Variants in CHRNA3 observed in about 807,000 individuals in gnomAD.
CHRNA3 encodes neuronal acetylcholine receptor subunit alpha-3.
In CHRNA3, 34 loss-of-function variants were observed where a neutral mutation model predicts 41.9. The ratio of observed to expected loss-of-function variants is 0.81; its 90% CI spans 0.62 to 1.08. The LOEUF is 1.08. CHRNA3 is among the 50% of genes least tolerant of loss of function. The pLI, the probability that CHRNA3 is intolerant of heterozygous loss-of-function variation, is 0.00. For synonymous variants in CHRNA3, 281 were observed against 265.2 expected, an observed-to-expected ratio of 1.06 and a Z score of -0.58; for missense variants, 542 against 638.3, an observed-to-expected ratio of 0.85 and a Z score of 1.63.
At chr15:78,601,156 ATTTC>A (rs900387977) in intron 5 of CHRNA3, 93 bp downstream of exon 5, 2 of 1,299,964 alleles carry the variant, frequency 1.5e-6, no homozygotes, top group African/African-American at 1.5e-5. Flanking sequence ...CCAGAGGGCA[ATTTC>A]TTAACCCCCT....
chr15:78,603,234 C>T (rs571492724), intron 4 of CHRNA3, among the ~76,000 whole-genome samples: 55 of 152,280 alleles, frequency 3.6e-4, no homozygotes, highest in Non-Finnish European at 7.2e-4. Context: ...GGGCTGGTCT[C>T]GAACTCCTGA....
At chr15:78,603,756 A>G (rs114669657) in intron 4 of CHRNA3, among the ~76,000 whole-genome samples, 2,399 of 152,132 alleles carry the variant, frequency 0.016, 56 homozygotes, top group African/African-American at 0.054. Context: ...GCCACTAACT[A>G]TCTTTCCTCT....
chr15:78,593,329 T>C (rs1405614110), downstream of CHRNA3: 11 of 1,390,924 alleles, frequency 7.9e-6, no homozygotes, highest in Admixed American at 3.1e-4. Context: ...TATGAAAATG[T>C]AAGTTATGTG....
In CHRNA3 at chr15:78,620,529, G is replaced by T. The variant is rs567448791; in HGVS notation, c.82+184C>A. On this transcript the variant is annotated intron_variant, in intron 1 of 5. Transcript: ENST00000326828. ...GCTAGGGGTGGGAGGTGAGCCGAAAGGGAAAAAGCCACCCCACCCAAGTCG... is the reference window on the plus strand; with the variant it reads ...GCTAGGGGTGGGAGGTGAGCCGAAATGGAAAAAGCCACCCCACCCAAGTCG... Among the ~76,000 whole-genome samples, 9 of 152,346 alleles carry T rather than the reference G, an allele frequency of 5.9e-5. No homozygotes were observed. In the South Asian group the frequency reaches 1.9e-3, roughly 32 times the overall value.
At chr15:78,610,117 CAAT>C (rs1427238533) in intron 4 of CHRNA3, among the ~76,000 whole-genome samples, 1 of 152,156 alleles carries the variant, frequency 6.6e-6, no homozygotes, top group Non-Finnish European at 1.5e-5. Context: ...GACTCCCACA[CAAT>C]AATAATGGGA....
rs71581741 is a variant in CHRNA3 at position 78,617,016 on chromosome 15, C to G, written c.377+8G>C. 0.011 allele frequency: 16,863 copies of G among 1,604,428 alleles called. 790 individuals carry two copies. In the African/African-American group the frequency reaches 0.13, roughly 12 times the overall value. ...CCCTGAGAGGGCGTGGGCCCCCCAG[C>G]ACCTTACTTGTTATACAGCACAATG... On this transcript the variant is annotated splice_region_variant and intron_variant, in intron 4 of 5. Coordinates refer to ENST00000326828, the MANE Select transcript of CHRNA3 (RefSeq NM_000743.5).
At chr15:78,593,394 CAG>C (rs1221411867), downstream of CHRNA3, 3 of 742,396 alleles carry the variant, frequency 4.0e-6, no homozygotes, top group Non-Finnish European at 6.0e-6. Flanking sequence ...TTTATGTTAA[CAG>C]ATGATCCATT....
chr15:78,593,297 T>C (rs759148420), downstream of CHRNA3: 1 of 1,513,480 alleles, frequency 6.6e-7, no homozygotes, highest in African/African-American at 1.4e-5. Flanking sequence ...AACACACATA[T>C]ATCTGATGGC....
intron 5 of CHRNA3, among the ~76,000 whole-genome samples, chr15:78,599,398 CTACTT>C (rs1358770507): frequency 1.3e-5 from 2 of 152,078 alleles, no homozygotes; most frequent in Non-Finnish European, 2.9e-5. Context: ...CATGAGAAGA[CTACTT>C]TAAAGACCCA....
In CHRNA3 at chr15:78,618,676, T is replaced by C. The variant is rs1383841095; in HGVS notation, c.223-15A>G. On this transcript the variant is annotated splice_polypyrimidine_tract_variant and intron_variant, in intron 2 of 5. Transcript: ENST00000326828. Reference sequence around the variant, plus strand: ...TTTACTTCATCCTAGAAAGAGGAATTAAAGTTGACAGGAGAATTACAAAAC... The same window carrying C: ...TTTACTTCATCCTAGAAAGAGGAATCAAAGTTGACAGGAGAATTACAAAAC... 1 of 1,613,728 alleles carries C rather than the reference T, an allele frequency of 6.2e-7. No homozygotes were observed. The highest frequency in any genetic ancestry group is 8.5e-7 in the Non-Finnish European group (1 of 1,180,000).
At chr15:78,593,900 G>A (rs1484162243), downstream of CHRNA3, 1 of 152,142 alleles carries the variant, frequency 6.6e-6, no homozygotes, top group Non-Finnish European at 1.5e-5. Context: ...ATTAGCCAGG[G>A]TGGTGGTGCA....
chr15:78,600,239 T>C (rs1331593756), intron 5 of CHRNA3, among the ~76,000 whole-genome samples: 1 of 152,052 alleles, frequency 6.6e-6, no homozygotes, highest in Non-Finnish European at 1.5e-5. Flanking sequence ...CACGCCTGGC[T>C]AATTTTTGTA....
chr15:78,594,040 A>AAAT (rs904995032), downstream of CHRNA3: 1 of 152,178 alleles, frequency 6.6e-6, no homozygotes, highest in Admixed American at 6.5e-5. Flanking sequence ...ACTCAGTCTC[A>AAAT]AATAATAATA....
intron 4 of CHRNA3, among the ~76,000 whole-genome samples, chr15:78,613,609 T>C (rs1159419420): frequency 2.0e-5 from 3 of 148,986 alleles, no homozygotes; most frequent in Admixed American, 6.7e-5. Flanking sequence ...TTAGGAGATA[T>C]ACCTAATGCT....
chr15:78,604,374 T>G (rs928092362), intron 4 of CHRNA3, among the ~76,000 whole-genome samples: 4 of 152,158 alleles, frequency 2.6e-5, no homozygotes, highest in Admixed American at 1.3e-4. Context: ...TGCTCGAGAC[T>G]CCACAGAGTT....
intron 3 of CHRNA3, 100 bp from the exon 4 acceptor site, chr15:78,617,233 T>C (rs2053477128): frequency 1.4e-6 from 1 of 714,504 alleles, no homozygotes; most frequent in Non-Finnish European, 2.4e-6. Context: ...CCACCCCTGC[T>C]GCATGTGACC....
At chr15:78,618,422 AG>A in intron 3 of CHRNA3, 194 bp downstream of exon 3, 1 of 614,572 alleles carries the variant, frequency 1.6e-6, no homozygotes, top group Non-Finnish European at 2.9e-6. Context: ...TGGGCCCTAC[AG>A]TCCTTCCAGG....
chr15:78,606,019 CAT>C (rs767334965), intron 4 of CHRNA3, among the ~76,000 whole-genome samples: 6 of 152,022 alleles, frequency 3.9e-5, no homozygotes, highest in Non-Finnish European at 8.8e-5. Flanking sequence ...TTTATGAAAA[CAT>C]ATTGTAAGAA....
At chr15:78,618,962 C>T in intron 1 of CHRNA3, 47 bp from the exon 2 acceptor site, 1 of 1,600,684 alleles carries the variant, frequency 6.2e-7, no homozygotes, top group Non-Finnish European at 8.5e-7. Flanking sequence ...GTTACTTAAC[C>T]TCCCCCACCC....
Sources: gnomAD v4.1 joint callset for allele counts (sites outside exome capture counted in the v4.1 genomes callset) on GRCh38, gnomAD v4.1.1 for gene constraint, MANE v1.5 for transcripts, NCBI Gene and HGNC (gene_info 2026-07-23, HGNC 2026-07-21) for gene names.